The following ARHGAP44 variants were observed in gnomAD, a reference collection of about 807,000 sequenced individuals.
ARHGAP44 encodes the protein rho GTPase-activating protein 44.
ARHGAP44 carries 43 observed loss-of-function variants against 106.8 expected under a neutral mutation model. The ratio of observed to expected loss-of-function variants is 0.40; its 90% CI spans 0.32 to 0.52. The LOEUF (loss-of-function observed/expected upper bound fraction) is 0.52, where lower values mean the gene tolerates loss of function less well. ARHGAP44 is among the 20% of genes least tolerant of loss of function. The pLI is 0.48. For missense variants in ARHGAP44, 866 were observed against 1,050.5 expected, an observed-to-expected ratio of 0.82 and a Z score of 2.43; for synonymous variants, 439 against 410.3, an observed-to-expected ratio of 1.07 and a Z score of -0.85.
intron 1 of ARHGAP44, 91 bp from the exon 2 acceptor site, chr17:12,894,849 C>T (rs2037154413): frequency 8.7e-7 from 1 of 1,148,944 alleles, no homozygotes; most frequent in East Asian, 2.6e-5. Context: ...CTCTGTTTTT[C>T]TGGTATTGCC....
chr17:12,813,331 G>A (rs908174094), intron 1 of ARHGAP44, among the ~76,000 whole-genome samples: 1 of 151,174 alleles, frequency 6.6e-6, no homozygotes. Flanking sequence ...AAGATAAAGA[G>A]CAAATCAAAA....
intron 19 of ARHGAP44, among the ~76,000 whole-genome samples, chr17:12,982,092 G>A (rs1433898022): frequency 2.0e-5 from 3 of 152,164 alleles, no homozygotes; most frequent in Admixed American, 2.0e-4. Flanking sequence ...TCCAGTGGGA[G>A]AGCCAGGGCT....
chr17:12,819,369 T>C (rs1345553539), intron 1 of ARHGAP44, among the ~76,000 whole-genome samples: 1 of 152,098 alleles, frequency 6.6e-6, no homozygotes, highest in East Asian at 1.9e-4. Context: ...TTCCAGTTTT[T>C]GGCTTTTTTG....
At chr17:12,928,901 C>T in intron 6 of ARHGAP44, 28 bp from the exon 7 acceptor site, 1 of 1,584,808 alleles carries the variant, frequency 6.3e-7, no homozygotes, top group South Asian at 1.1e-5. Context: ...ACCTGTCTCA[C>T]ATCTCTTTTT....
Position 12,944,056 on chromosome 17 carries a change from C to T in ARHGAP44, c.734-13C>T. On this transcript the variant is annotated splice_polypyrimidine_tract_variant and intron_variant, in intron 9 of 20. Transcript: ENST00000379672. ...CGAACAGCTGACTGACTCTTTCTCA[C>T]TCCTCCCCTCAGAGGCCTGGGTAGA... 1.3e-6 allele frequency: 2 copies of T among 1,589,714 alleles called. No homozygotes were observed. The highest frequency in any genetic ancestry group is 1.7e-6 in the Non-Finnish European group (2 of 1,164,516).
chr17:12,989,101 C>CCAAAAAAAAAA (rs1598173210), intron 20 of ARHGAP44, among the ~76,000 whole-genome samples: 4 of 45,162 alleles, frequency 8.9e-5, no homozygotes, highest in African/African-American at 3.4e-4. Flanking sequence ...CCACCCCCCC[C>CCAAAAAAAAAA]AAAAAAAAAA....
intron 17 of ARHGAP44, 23 bp from the exon 18 acceptor site, chr17:12,974,066 G>A (rs2039602166): frequency 6.4e-7 from 1 of 1,551,446 alleles, no homozygotes; most frequent in Non-Finnish European, 8.7e-7. Flanking sequence ...GTGGGTAAGC[G>A]GTGTCTTTGT....
intron 1 of ARHGAP44, among the ~76,000 whole-genome samples, chr17:12,831,619 C>G (rs533945146): frequency 5.5e-4 from 84 of 152,170 alleles, no homozygotes; most frequent in Non-Finnish European, 9.0e-4. Flanking sequence ...ATTCAACCCT[C>G]CCATCGAGGC....
chr17:12,857,652 A>G (rs1344107586), intron 1 of ARHGAP44, among the ~76,000 whole-genome samples: 2 of 152,206 alleles, frequency 1.3e-5, no homozygotes, highest in Admixed American at 6.5e-5. Flanking sequence ...AAGTTATTCT[A>G]TTATGGTAGA....
intron 6 of ARHGAP44, 95 bp downstream of exon 6, chr17:12,919,926 A>G (rs112613450): frequency 0.014 from 14,616 of 1,062,418 alleles, 778 homozygotes; most frequent in African/African-American, 0.11. Flanking sequence ...GTTTTCATTC[A>G]CCAAGTTTTT....
rs572019901 is a variant in ARHGAP44, at chr17:12,818,324, C to A, written c.53+28433C>A. 8.1e-5 allele frequency among the ~76,000 whole-genome samples: 10 copies of A among 123,978 alleles called. No homozygotes were observed. The East Asian group carries it at 2.7e-3, about 33-fold the overall frequency. 81.3% of individuals were successfully genotyped at this position (123,978 alleles called of 152,430 possible). On this transcript the variant is annotated intron_variant, in intron 1 of 20. Coordinates refer to ENST00000379672, the MANE Select transcript of ARHGAP44 (RefSeq NM_014859.6). ...TTAGGAATTTTAAACTGGTAAGGTG[C>A]ATCTGGAAAAGAAAAAAAAAAAAAA...
chr17:12,838,250 A>AG (rs2035293043), intron 1 of ARHGAP44, among the ~76,000 whole-genome samples: 1 of 152,254 alleles, frequency 6.6e-6, no homozygotes. Context: ...AAATATAGTA[A>AG]GAAAAAAAAG....
At chr17:12,979,467 AG>A (rs2039777050) in intron 18 of ARHGAP44, among the ~76,000 whole-genome samples, 2 of 152,106 alleles carry the variant, frequency 1.3e-5, no homozygotes, top group Non-Finnish European at 1.5e-5. Context: ...CCCACATTTA[AG>A]GGCATGGCCT....
At chr17:12,812,421 CA>C (rs1350653102) in intron 1 of ARHGAP44, among the ~76,000 whole-genome samples, 1 of 152,072 alleles carries the variant, frequency 6.6e-6, no homozygotes, top group African/African-American at 2.4e-5. Context: ...TACACTAAAG[CA>C]AAGGGGACAT....
At chr17:12,864,506 G>A (rs777229266) in intron 1 of ARHGAP44, among the ~76,000 whole-genome samples, 2 of 151,992 alleles carry the variant, frequency 1.3e-5, no homozygotes, top group East Asian at 1.9e-4. Flanking sequence ...ACCTAACTCC[G>A]TCAACACCAG....
intron 1 of ARHGAP44, among the ~76,000 whole-genome samples, chr17:12,875,310 G>A (rs1466979324): frequency 6.6e-6 from 1 of 152,130 alleles, no homozygotes; most frequent in African/African-American, 2.4e-5. Context: ...AAAAAATTGG[G>A]GTCTGGGCGT....
chr17:12,952,643 A>G, intron 13 of ARHGAP44, 62 bp downstream of exon 13: 1 of 1,277,198 alleles, frequency 7.8e-7, no homozygotes. Flanking sequence ...TCAGAGATAC[A>G]ACTGCCCGGG....
chr17:12,905,513 G>A (rs1044252110), intron 3 of ARHGAP44, among the ~76,000 whole-genome samples: 1 of 152,144 alleles, frequency 6.6e-6, no homozygotes, highest in African/African-American at 2.4e-5. Context: ...TCAACCTCAT[G>A]TTCCTCCAGT....
intron 4 of ARHGAP44, among the ~76,000 whole-genome samples, chr17:12,912,084 C>T (rs1416223792): frequency 2.6e-5 from 4 of 152,154 alleles, no homozygotes; most frequent in African/African-American, 9.7e-5. Flanking sequence ...AACCTGAAAC[C>T]TGGAGACCAA....
Sources: allele counts gnomAD v4.1 joint callset (sites outside exome capture counted in the v4.1 genomes callset), GRCh38; gene constraint gnomAD v4.1.1; transcripts MANE v1.5; gene names NCBI Gene and HGNC (gene_info 2026-07-23, HGNC 2026-07-21).